Variants in SENP6 observed in about 807,000 individuals in gnomAD.
The protein encoded by SENP6 is sentrin-specific protease 6.
SENP6 carries 41 observed loss-of-function variants against 134.5 expected under a neutral mutation model. That is an observed-to-expected ratio of 0.30 (90% CI 0.24 to 0.40). The LOEUF (loss-of-function observed/expected upper bound fraction) is 0.40. SENP6 is among the 10% of genes least tolerant of loss of function. The pLI, the probability that SENP6 is intolerant of heterozygous loss-of-function variation, is 1.00. For missense variants in SENP6, 1,248 were observed against 1,312.5 expected, an observed-to-expected ratio of 0.95 and a Z score of 0.76; for synonymous variants, 395 against 429.8, an observed-to-expected ratio of 0.92 and a Z score of 1.00.
chr6:75,678,903 A>G lies in SENP6; in HGVS notation c.2051A>G (p.Asp684Gly). 1 of 1,530,250 alleles carries G rather than the reference A, an allele frequency of 6.5e-7. No individual in the cohort carries two copies. The allele number at this position is 1,530,250 out of a possible 1,614,324, so 94.8% of individuals were successfully genotyped here. ...CTAAATGAAGGAGAATTTTTAAATG[A>G]TGTTATTATAGACTTTTATTTGAAG... is the stretch of plus-strand genomic sequence containing the variant. The part of the protein sequence containing the change: ...HCLNEGEFLN[D>G]VIIDFYLKYL... The change falls in exon 16 of 24, where the codon GAT becomes GGT. Residue 684 changes from aspartate to glycine, a missense_variant. Physicochemically the swap from Asp to Gly is moderately conservative, Grantham distance 94 (BLOSUM62 -1). Coordinates refer to ENST00000447266, the MANE Select transcript of SENP6 (RefSeq NM_015571.4).
At chr6:75,645,233 T>C (rs1421412740) in intron 6 of SENP6, among the ~76,000 whole-genome samples, 1 of 152,176 alleles carries the variant, frequency 6.6e-6, no homozygotes, top group Admixed American at 6.5e-5. Context: ...ATAGCCACTT[T>C]GAGATTAAAT....
intron 19 of SENP6, among the ~76,000 whole-genome samples, chr6:75,704,115 G>A (rs2842572): frequency 0.69 from 104,317 of 151,942 alleles, 37,142 homozygotes; most frequent in African/African-American, 0.88. Context: ...CTGTAGGTAT[G>A]TCTCGTCAGG....
intron 16 of SENP6, among the ~76,000 whole-genome samples, chr6:75,684,748 C>G (rs1434313893): frequency 6.6e-6 from 1 of 152,104 alleles, no homozygotes; most frequent in African/African-American, 2.4e-5. Context: ...GGGATGAAGC[C>G]CACTTGATCA....
At chr6:75,698,703 C>T (rs1233836878) in intron 18 of SENP6, among the ~76,000 whole-genome samples, 2 of 152,166 alleles carry the variant, frequency 1.3e-5, no homozygotes, top group Non-Finnish European at 1.5e-5. Context: ...TAGTTAATTT[C>T]TTCATTCTCT....
intron 20 of SENP6, 109 bp from the exon 21 acceptor site, chr6:75,711,219 A>C: frequency 3.0e-6 from 2 of 674,630 alleles, no homozygotes; most frequent in Non-Finnish European, 5.0e-6. Context: ...ATAGAGAAAA[A>C]GTTTTGACAA....
chr6:75,670,502 G>GC (rs1420781777), intron 10 of SENP6, 51 bp from the exon 11 acceptor site: 1 of 1,367,598 alleles, frequency 7.3e-7, no homozygotes, highest in Admixed American at 1.9e-5. Flanking sequence ...TACTTAGCTT[G>GC]CAGCCTTATT....
intron 16 of SENP6, among the ~76,000 whole-genome samples, chr6:75,686,474 C>T (rs1773848645): frequency 6.6e-6 from 1 of 152,170 alleles, no homozygotes; most frequent in African/African-American, 2.4e-5. Flanking sequence ...TTAATTGATG[C>T]AGTTTCTTCA....
chr6:75,609,180 G>A (rs910915847), intron 1 of SENP6, among the ~76,000 whole-genome samples: 5 of 152,136 alleles, frequency 3.3e-5, no homozygotes, highest in Non-Finnish European at 5.9e-5. Flanking sequence ...GCTTTCTTCA[G>A]CATTTCCTTC....
At chr6:75,689,407 C>T (rs1298458542) in intron 16 of SENP6, among the ~76,000 whole-genome samples, 7 of 151,804 alleles carry the variant, frequency 4.6e-5, no homozygotes, top group Non-Finnish European at 5.9e-5. Flanking sequence ...AGGATGGCTA[C>T]TATTAAAACA....
chr6:75,688,607 C>T (rs1026660414), intron 16 of SENP6, among the ~76,000 whole-genome samples: 4 of 152,104 alleles, frequency 2.6e-5, no homozygotes, highest in African/African-American at 9.6e-5. Context: ...ACCATTTTTC[C>T]TTTTGGTGTG....
intron 1 of SENP6, among the ~76,000 whole-genome samples, chr6:75,610,051 G>A (rs2149819190): frequency 6.6e-6 from 1 of 152,304 alleles, no homozygotes; most frequent in African/African-American, 2.4e-5. Flanking sequence ...GCCTCCCAGA[G>A]TGCTGGGATT....
intron 1 of SENP6, among the ~76,000 whole-genome samples, chr6:75,618,675 A>C (rs1403242302): frequency 6.6e-6 from 1 of 152,210 alleles, no homozygotes; most frequent in Non-Finnish European, 1.5e-5. Context: ...GTGTTACAAC[A>C]TACCTGTACA....
chr6:75,695,854 T>C lies in SENP6; in HGVS notation c.2126T>C (p.Ile709Thr), dbSNP rs1774626751. The part of the protein sequence containing the change: ...LKKEDADRIH[I>T]FSSFFYKRLN... ...AAGGAAGACGCTGACCGAATTCATA[T>C]ATTCAGTTCTTTTTTCTATAAACGC... The change falls in exon 17 of 24, where the codon ATA (isoleucine) becomes ACA (threonine). Residue 709 changes from isoleucine (I) to threonine (T), a missense_variant. By Grantham distance (89) the Ile-to-Thr change is moderately conservative. Coordinates refer to ENST00000447266, the MANE Select transcript of SENP6 (RefSeq NM_015571.4). The C allele has an allele frequency of 6.2e-7, 1 of 1,606,844 alleles. No homozygotes were observed. Among genetic ancestry groups the C allele is most frequent in the African/African-American group, 1.3e-5 (1 of 74,778 alleles).
intron 8 of SENP6, among the ~76,000 whole-genome samples, chr6:75,662,985 G>A (rs553499338): frequency 7.9e-5 from 12 of 152,200 alleles, no homozygotes; most frequent in Middle Eastern, 3.4e-3. Flanking sequence ...ATTAAATCCC[G>A]ACTAACATTA....
chr6:75,701,333 A>G (rs1775010209), intron 18 of SENP6, among the ~76,000 whole-genome samples: 1 of 152,128 alleles, frequency 6.6e-6, no homozygotes, highest in South Asian at 2.1e-4. Flanking sequence ...CCTATACTCT[A>G]CTGTTGGGAA....
chr6:75,660,949 C>T (rs191402077), intron 8 of SENP6, among the ~76,000 whole-genome samples: 2 of 152,154 alleles, frequency 1.3e-5, no homozygotes, highest in Admixed American at 1.3e-4. Context: ...GTATTTCTGT[C>T]TCAGCCCTAG....
chr6:75,703,761 C>CA (rs1296591587), intron 19 of SENP6, among the ~76,000 whole-genome samples: 2 of 151,648 alleles, frequency 1.3e-5, no homozygotes, highest in African/African-American at 2.4e-5. Context: ...AACTCCATCT[C>CA]AAAATTAAAA....
At chr6:75,615,372 G>A (rs1034364170) in intron 1 of SENP6, among the ~76,000 whole-genome samples, 1 of 151,740 alleles carries the variant, frequency 6.6e-6, no homozygotes, top group African/African-American at 2.4e-5. Flanking sequence ...TAGAGACGGG[G>A]TTTCGCAGCA....
chr6:75,677,030 A>T lies in SENP6; in HGVS notation c.1622A>T (p.Asn541Ile). 7.1e-7 allele frequency: 1 copy of T among 1,400,158 alleles called. No homozygotes were observed. Among genetic ancestry groups the T allele is most frequent in the Non-Finnish European group, 9.9e-7 (1 of 1,006,072 alleles). 86.7% of individuals were successfully genotyped at this position (1,400,158 alleles called of 1,614,324 possible). ...TGGACTTATATTTATTTCTTTTCAG[A>T]TTTAGAAGAACAATATATAATTTTA... ...NDCKGVNKLT[N>I]LEEQYIILIF... The change falls in exon 14 of 24, where the codon AAT (asparagine) becomes ATT (isoleucine). Residue 541 changes from asparagine (N) to isoleucine (I), a missense_variant and splice_region_variant. Coordinates refer to ENST00000447266, the MANE Select transcript of SENP6 (RefSeq NM_015571.4).
Sources: gnomAD v4.1 joint callset for allele counts (sites outside exome capture counted in the v4.1 genomes callset) on GRCh38, gnomAD v4.1.1 for gene constraint, MANE v1.5 for transcripts, NCBI Gene and HGNC (gene_info 2026-07-23, HGNC 2026-07-21) for gene names.